CUBN: variants seen among roughly 807,000 people sequenced by gnomAD.
CUBN encodes cubilin.
CUBN carries 282 observed loss-of-function variants against 405.3 expected under a neutral mutation model. That is an observed-to-expected ratio of 0.70 (90% CI 0.63 to 0.77). The LOEUF (loss-of-function observed/expected upper bound fraction) is 0.77. CUBN is among the 30% of genes least tolerant of loss of function. The pLI is 0.00. For synonymous variants in CUBN, 1,684 were observed against 1,617.0 expected (o/e 1.04, Z -0.99); for missense variants, 4,514 against 4,475.2 (o/e 1.01, Z -0.25).
intron 28 of CUBN, among the ~76,000 whole-genome samples, chr10:16,997,895 C>A (rs1833779140): frequency 1.3e-5 from 2 of 152,116 alleles, no homozygotes; most frequent in Admixed American, 1.3e-4. Context: ...AAGGGTGGAG[C>A]TCCTCAAATT....
At chr10:17,115,389 C>T (rs947574365) in intron 7 of CUBN, 82 bp downstream of exon 7, 1 of 1,572,376 alleles carries the variant, frequency 6.4e-7, no homozygotes, top group Non-Finnish European at 8.7e-7. Flanking sequence ...CCAGGTAGTG[C>T]TTGTATGCAG....
At chr10:17,114,253 C>A in intron 7 of CUBN, 64 bp from the exon 8 acceptor site, 2 of 1,522,278 alleles carry the variant, frequency 1.3e-6, no homozygotes, top group Non-Finnish European at 1.8e-6. Flanking sequence ...AGCCTTTGAA[C>A]ATTTCATCAA....
At chr10:16,897,070 G>A (rs939881403) in intron 54 of CUBN, among the ~76,000 whole-genome samples, 6 of 152,086 alleles carry the variant, frequency 3.9e-5, no homozygotes, top group Non-Finnish European at 8.8e-5. Context: ...AAGAGAGCTC[G>A]TCAGTGATTG....
chr10:17,122,379 G>A (rs1837062652), intron 6 of CUBN: 2 of 301,170 alleles, frequency 6.6e-6, no homozygotes, highest in Non-Finnish European at 6.7e-6. Context: ...CCAAAACTAT[G>A]AGCTTGCTAA....
intron 28 of CUBN, among the ~76,000 whole-genome samples, chr10:16,994,189 T>G (rs761104922): frequency 1.0e-3 from 159 of 152,350 alleles, no homozygotes; most frequent in Non-Finnish European, 2.0e-3. Context: ...TCCATTTATT[T>G]ATTCCTTCAT....
At chr10:16,965,428 C>T (rs919605781) in intron 31 of CUBN, among the ~76,000 whole-genome samples, 3 of 152,166 alleles carry the variant, frequency 2.0e-5, no homozygotes, top group African/African-American at 4.8e-5. Context: ...AGCACTTCAG[C>T]GGCTGCCCCT....
At chr10:16,991,246 G>A (rs1467724112) in intron 28 of CUBN, among the ~76,000 whole-genome samples, 1 of 152,196 alleles carries the variant, frequency 6.6e-6, no homozygotes, top group Non-Finnish European at 1.5e-5. Context: ...GTCCTCATAT[G>A]GGCTTTCCAT....
chr10:17,105,479 G>C lies in CUBN; in HGVS notation c.1208C>G (p.Pro403Arg), dbSNP rs763378003. The C allele has an allele frequency of 6.2e-7, 1 of 1,601,970 alleles. No homozygotes were observed. Among genetic ancestry groups the C allele is most frequent in the South Asian group, 1.1e-5 (1 of 90,876 alleles). ...CACGATGCATTGTCCATTTAGACAG[G>C]GGTGACTTAGGCAAATATTACTGAG... ...VQLSNICLSH[P>R]CLNGQCIDTV... The change falls in exon 11 of 67, where the codon CCC becomes CGC. Residue 403 changes from proline to arginine, a missense_variant. Pro to Arg is a moderately radical substitution (Grantham distance 103). This residue lies in a region of CUBN where 1,448 missense variants were observed against 1,388.0 expected (regional missense o/e 1.04). Transcript: ENST00000377833.
intron 62 of CUBN, among the ~76,000 whole-genome samples, chr10:16,838,380 T>A (rs2131315811): frequency 6.6e-6 from 1 of 152,264 alleles, no homozygotes; most frequent in East Asian, 1.9e-4. Flanking sequence ...CTGGGGAGGG[T>A]TAGTTGCTCC....
chr10:16,869,560 G>GA (rs1403420494), intron 59 of CUBN, 76 bp downstream of exon 59: 4 of 979,790 alleles, frequency 4.1e-6, no homozygotes, highest in Middle Eastern at 3.0e-4. Context: ...GTGGGGGTGG[G>GA]GGGGGGGCGG....
intron 28 of CUBN, among the ~76,000 whole-genome samples, chr10:17,018,326 T>G (rs1453487066): frequency 1.3e-5 from 2 of 152,130 alleles, no homozygotes; most frequent in East Asian, 3.9e-4. Context: ...TTCCTTCCAG[T>G]GGGTTCTTGG....
intron 36 of CUBN, among the ~76,000 whole-genome samples, chr10:16,946,144 T>C (rs996566162): frequency 2.6e-5 from 4 of 152,178 alleles, no homozygotes; most frequent in African/African-American, 7.2e-5. Flanking sequence ...ATATGTAAAA[T>C]AGACTGGTAA....
intron 40 of CUBN, among the ~76,000 whole-genome samples, chr10:16,928,530 C>G (rs1303664544): frequency 1.2e-4 from 7 of 57,672 alleles, no homozygotes; most frequent in Admixed American, 1.7e-4. Context: ...CCCCACCCCC[C>G]CCTTTTTTTT....
chr10:16,970,636 A>G (rs989087882), intron 31 of CUBN, among the ~76,000 whole-genome samples: 2 of 149,738 alleles, frequency 1.3e-5, no homozygotes, highest in African/African-American at 4.9e-5. Context: ...TTCTCCCTCT[A>G]TTTTTCTAGT....
intron 11 of CUBN, among the ~76,000 whole-genome samples, chr10:17,105,054 C>T (rs1349574600): frequency 6.6e-6 from 1 of 151,798 alleles, no homozygotes; most frequent in Non-Finnish European, 1.5e-5. Flanking sequence ...ACCCGCCTCA[C>T]CCTCCCAAAG....
chr10:16,903,740 A>C (rs1211428737), intron 51 of CUBN, among the ~76,000 whole-genome samples: 1 of 148,912 alleles, frequency 6.7e-6, no homozygotes, highest in South Asian at 2.1e-4. Context: ...TTTATTATTG[A>C]ATAATTTTAA....
In CUBN at chr10:16,990,320, A is replaced by C. The variant is rs1437721573; in HGVS notation, c.4350+14T>G. On this transcript the variant is annotated intron_variant, in intron 29 of 66. Transcript: ENST00000377833. ...AACTTTGGAATGTGCTGAAAAAACC[A>C]TCTCACTTCCTACCTCCAAGACATC... 1.9e-6 allele frequency: 3 copies of C among 1,613,924 alleles called. No homozygotes were observed. The East Asian group carries it at 6.7e-5, about 36-fold the overall frequency.
At chr10:16,886,163 T>C (rs1840807061) in intron 56 of CUBN, among the ~76,000 whole-genome samples, 1 of 152,208 alleles carries the variant, frequency 6.6e-6, no homozygotes, top group African/African-American at 2.4e-5. Context: ...ATACATTGAT[T>C]TACACTTGGC....
At position 17,122,781 on chromosome 10, in the gene CUBN, A is replaced by G. The variant is rs759361642; in HGVS notation, c.593+14T>C. The G allele has an allele frequency of 6.3e-7, 1 of 1,576,012 alleles. No homozygotes were observed. The highest frequency in any genetic ancestry group is 1.4e-5 in the African/African-American group (1 of 74,054). ...AATATACTGATATTTACCAAAAAAAAAAAAAAAAGTTACCTGTAACTTCCC... is the reference window on the plus strand; with the variant it reads ...AATATACTGATATTTACCAAAAAAAGAAAAAAAAGTTACCTGTAACTTCCC... On this transcript the variant is annotated intron_variant, in intron 6 of 66. Transcript: ENST00000377833.
Sources: allele counts gnomAD v4.1 joint callset (sites outside exome capture counted in the v4.1 genomes callset), GRCh38; gene constraint gnomAD v4.1.1; regional missense constraint gnomAD v4.1.1; transcripts MANE v1.5; gene names NCBI Gene and HGNC (gene_info 2026-07-23, HGNC 2026-07-21).